RYR2: variants seen among roughly 807,000 people sequenced by gnomAD.
RYR2 encodes ryanodine receptor 2.
A neutral mutation model predicts 601.1 loss-of-function variants in RYR2; 227 were observed. That is an observed-to-expected ratio of 0.38 (90% CI 0.34 to 0.42). The LOEUF is 0.42. Ranked by LOEUF, RYR2 falls within the 10% of genes least tolerant of loss-of-function variation. The probability of loss-of-function intolerance (pLI) is 1.00; values close to 1 mark genes in which losing one functional copy is unlikely to be tolerated. For missense variants in RYR2, 4,646 were observed against 6,156.5 expected (o/e 0.75, Z 8.21); for synonymous variants, 2,223 against 2,175.1 (o/e 1.02, Z -0.61).
intron 37 of RYR2, among the ~76,000 whole-genome samples, chr1:237,617,014 G>T (rs1388305457): frequency 6.6e-6 from 1 of 152,034 alleles, no homozygotes; most frequent in African/African-American, 2.4e-5. Context: ...TTGACATGTG[G>T]GGGTTATTAC....
chr1:237,442,749 CT>C (rs888596256), intron 13 of RYR2, among the ~76,000 whole-genome samples: 13 of 152,188 alleles, frequency 8.5e-5, no homozygotes, highest in African/African-American at 3.1e-4. Flanking sequence ...ATGTGTCTGA[CT>C]TTTTTTCCCC....
chr1:237,361,233 GTTAAT>G (rs767902900), intron 4 of RYR2, among the ~76,000 whole-genome samples: 42 of 152,100 alleles, frequency 2.8e-4, no homozygotes, highest in Middle Eastern at 3.2e-3. Flanking sequence ...CAGAATTGTT[GTTAAT>G]TTTTTTATTC....
chr1:237,109,444 C>A (rs1669175671), intron 1 of RYR2, among the ~76,000 whole-genome samples: 1 of 151,868 alleles, frequency 6.6e-6, no homozygotes, highest in South Asian at 2.1e-4. Context: ...TTGTGTGTGA[C>A]ATTAGCTGTC....
At chr1:237,553,445 A>G (rs1411609786) in intron 27 of RYR2, among the ~76,000 whole-genome samples, 15 of 151,964 alleles carry the variant, frequency 9.9e-5, no homozygotes, top group African/African-American at 3.4e-4. Flanking sequence ...CCTTAAGTTA[A>G]TATTCCATTG....
At chr1:237,243,718 G>T (rs1027994331) in intron 1 of RYR2, among the ~76,000 whole-genome samples, 11 of 152,224 alleles carry the variant, frequency 7.2e-5, no homozygotes, top group Non-Finnish European at 1.5e-4. Flanking sequence ...TGAAAGGAGG[G>T]AGGAGAAGAT....
chr1:237,805,580 C>CAAAAAA (rs772404939), intron 98 of RYR2, among the ~76,000 whole-genome samples: 7 of 37,684 alleles, frequency 1.9e-4, no homozygotes, highest in East Asian at 8.8e-4. Context: ...GACTCTGTCT[C>CAAAAAA]AAAAAAAAAA....
intron 86 of RYR2, among the ~76,000 whole-genome samples, chr1:237,773,211 T>C (rs528923048): frequency 1.3e-5 from 2 of 152,324 alleles, no homozygotes; most frequent in East Asian, 1.9e-4. Flanking sequence ...ATTTTGCTCA[T>C]GCATAAATAT....
At chr1:237,729,850 T>C (rs1690520661) in intron 76 of RYR2, among the ~76,000 whole-genome samples, 1 of 152,196 alleles carries the variant, frequency 6.6e-6, no homozygotes, top group Non-Finnish European at 1.5e-5. Flanking sequence ...AAGTCCTCTA[T>C]TGACACTGAT....
intron 54 of RYR2, 53 bp from the exon 55 acceptor site, chr1:237,659,932 A>T: frequency 1.7e-6 from 2 of 1,209,080 alleles, no homozygotes; most frequent in Non-Finnish European, 2.3e-6. Flanking sequence ...CATATCTACA[A>T]TCTCTAAAAT....
chr1:237,223,252 C>T (rs958046975), intron 1 of RYR2, among the ~76,000 whole-genome samples: 1 of 152,170 alleles, frequency 6.6e-6, no homozygotes, highest in African/African-American at 2.4e-5. Flanking sequence ...GATCAAGGTA[C>T]TGGCATCTGG....
rs759709383 is a variant in RYR2 at position 237,733,662 on chromosome 1, G to A, written c.11040-43G>A. On this transcript the variant is annotated intron_variant, in intron 78 of 104. Coordinates refer to ENST00000366574, the MANE Select transcript of RYR2 (RefSeq NM_001035.3). ...GCGATGATACGTGTGCATGTGCCTA[G>A]CCTTCTGCTTAAACACTGATGTTTT... The A allele has an allele frequency of 2.1e-5, 29 of 1,365,722 alleles. No individual in the cohort carries two copies. In the African/African-American group the frequency reaches 3.9e-4, roughly 18 times the overall value. 84.6% of individuals were successfully genotyped at this position (1,365,722 alleles called of 1,614,324 possible). A position where few individuals can be genotyped will look rare whatever the true frequency, so the allele number is the denominator to read the frequency against.
chr1:237,687,989 G>T (rs1686586776), intron 63 of RYR2, among the ~76,000 whole-genome samples: 1 of 152,104 alleles, frequency 6.6e-6, no homozygotes, highest in South Asian at 2.1e-4. Context: ...AGGAGCTTCG[G>T]AGCTTCACTT....
intron 56 of RYR2, among the ~76,000 whole-genome samples, chr1:237,663,987 C>A (rs1215452999): frequency 6.6e-6 from 1 of 152,112 alleles, no homozygotes; most frequent in East Asian, 1.9e-4. Context: ...TGGGTTTTGA[C>A]CCCCTCCTTG....
chr1:237,271,393 A>T (rs1689670953), intron 2 of RYR2, among the ~76,000 whole-genome samples: 1 of 152,178 alleles, frequency 6.6e-6, no homozygotes, highest in African/African-American at 2.4e-5. Flanking sequence ...AGAAATATAA[A>T]CACTTAATTC....
intron 10 of RYR2, among the ~76,000 whole-genome samples, chr1:237,408,646 TGTGTTG>T (rs1704144743): frequency 6.6e-6 from 1 of 152,070 alleles, no homozygotes; most frequent in African/African-American, 2.4e-5. Context: ...CCTTCAATAT[TGTGTTG>T]GCTCTTCTAT....
At chr1:237,513,656 C>A (rs1004840840) in intron 24 of RYR2, among the ~76,000 whole-genome samples, 6 of 152,178 alleles carry the variant, frequency 3.9e-5, no homozygotes, top group Admixed American at 2.0e-4. Context: ...TATTTAGATA[C>A]CCAAATACTT....
intron 1 of RYR2, among the ~76,000 whole-genome samples, chr1:237,181,502 C>G (rs1678752993): frequency 6.6e-6 from 1 of 152,064 alleles, no homozygotes; most frequent in South Asian, 2.1e-4. Flanking sequence ...AGAGACAGAC[C>G]AGCAGATGTA....
At chr1:237,735,022 G>A (rs772986582) in intron 79 of RYR2, among the ~76,000 whole-genome samples, 1 of 152,090 alleles carries the variant, frequency 6.6e-6, no homozygotes, top group Non-Finnish European at 1.5e-5. Context: ...AAGGAAAGGA[G>A]CTCATAAAAA....
At chr1:237,747,796 G>A (rs551274452) in intron 80 of RYR2, among the ~76,000 whole-genome samples, 10 of 152,124 alleles carry the variant, frequency 6.6e-5, no homozygotes, top group South Asian at 6.2e-4. Context: ...ATATAGCTAC[G>A]GATATAAAAT....
Sources: gnomAD v4.1 joint callset for allele counts (sites outside exome capture counted in the v4.1 genomes callset) on GRCh38, gnomAD v4.1.1 for gene constraint, MANE v1.5 for transcripts, NCBI Gene and HGNC (gene_info 2026-07-23, HGNC 2026-07-21) for gene names.